The following ZGRF1 variants were observed in gnomAD, a reference collection of about 807,000 sequenced individuals.
ZGRF1 encodes the protein 5'-3' DNA helicase ZGRF1.
In ZGRF1, 196 loss-of-function variants were observed where a neutral mutation model predicts 203.5. That is an observed-to-expected ratio of 0.96 (90% CI 0.86 to 1.08). The LOEUF (loss-of-function observed/expected upper bound fraction) is 1.08, where lower values mean the gene tolerates loss of function less well. ZGRF1 is among the 50% of genes least tolerant of loss of function. ZGRF1 has a pLI of 0.00. For synonymous variants in ZGRF1, 809 were observed against 841.3 expected, an observed-to-expected ratio of 0.96 and a Z score of 0.66; for missense variants, 2,326 against 2,416.3, an observed-to-expected ratio of 0.96 and a Z score of 0.78.
chr4:112,544,912 T>C (rs556769382), intron 24 of ZGRF1, among the ~76,000 whole-genome samples: 2 of 152,282 alleles, frequency 1.3e-5, no homozygotes, highest in South Asian at 4.1e-4. Flanking sequence ...TTTCCACACA[T>C]GGTATTGGGA....
chr4:112,635,371 C>T (rs964589547), intron 1 of ZGRF1, among the ~76,000 whole-genome samples: 1 of 151,856 alleles, frequency 6.6e-6, no homozygotes, highest in African/African-American at 2.4e-5. Context: ...CTACCATATG[C>T]TAGAAACTGT....
At chr4:112,547,475 T>C (rs765751373) in intron 23 of ZGRF1, 67 bp from the exon 24 acceptor site, 501 of 1,459,230 alleles carry the variant, frequency 3.4e-4, no homozygotes, top group Non-Finnish European at 4.3e-4. Flanking sequence ...TTTATTGCAC[T>C]GTTTGCCAAA....
intron 16 of ZGRF1, among the ~76,000 whole-genome samples, chr4:112,567,545 C>T (rs1743351925): frequency 6.6e-6 from 1 of 152,062 alleles, no homozygotes; most frequent in Admixed American, 6.6e-5. Context: ...GCTGAGATGA[C>T]AGAATTGCTT....
chr4:112,587,396 A>T lies in ZGRF1; in HGVS notation c.3661T>A (p.Ser1221Thr). 3 of 1,613,896 alleles carry T rather than the reference A, an allele frequency of 1.9e-6. No homozygotes were observed. The highest frequency in any genetic ancestry group is 2.5e-6 in the Non-Finnish European group (3 of 1,179,848). ...QQRQDFSSQD[S>T]VSRKKVLSLN... The stretch of plus-strand genomic sequence containing the variant: ...GAAAGTACTTTCTTTCTGGAAACCG[A>T]ATCTTGACTGCTAAAATCCTGCCGC... Residue 1221 changes from serine to threonine, a missense_variant, in exon 12 of 28, where the codon TCG becomes ACG. Coordinates refer to ENST00000505019, the MANE Select transcript of ZGRF1 (RefSeq NM_018392.5).
In ZGRF1 at chr4:112,554,702, T is replaced by G; in HGVS notation, c.5198+3A>C. 1.3e-6 allele frequency: 2 copies of G among 1,484,268 alleles called. No individual in the cohort carries two copies. The highest frequency in any genetic ancestry group is 1.8e-6 in the Non-Finnish European group (2 of 1,086,040). The allele number at this position is 1,484,268 out of a possible 1,614,324, so 91.9% of individuals were successfully genotyped here. On this transcript the variant is annotated splice_donor_region_variant and intron_variant, in intron 21 of 27. Coordinates refer to ENST00000505019, the MANE Select transcript of ZGRF1 (RefSeq NM_018392.5). ...TGTGACTTCTGGAATTTTGCATTCT[T>G]ACCTATAAGGTAAAATTGGTTTGGC...
chr4:112,563,378 T>C, intron 16 of ZGRF1, 104 bp from the exon 17 acceptor site: 2 of 721,636 alleles, frequency 2.8e-6, no homozygotes, highest in Non-Finnish European at 4.3e-6. Flanking sequence ...ATATCTATAG[T>C]ACACATATAC....
chr4:112,627,304 C>T (rs574581890), intron 3 of ZGRF1, among the ~76,000 whole-genome samples: 2 of 152,234 alleles, frequency 1.3e-5, no homozygotes, highest in African/African-American at 4.8e-5. Flanking sequence ...TCTTTTTCTC[C>T]ATTGCCATTG....
At chr4:112,585,856 A>G (rs918793245) in intron 13 of ZGRF1, 131 bp from the exon 14 acceptor site, 5 of 523,904 alleles carry the variant, frequency 9.5e-6, no homozygotes, top group African/African-American at 4.0e-5. Context: ...TCCGTTTTTA[A>G]AAGTTATTTT....
chr4:112,617,635 T>C lies in ZGRF1; in HGVS notation c.2407A>G (p.Thr803Ala). Residue 803 changes from threonine (T) to alanine (A), a missense_variant, in exon 6 of 28, where the codon ACT (threonine) becomes GCT (alanine). Physicochemically the swap from Thr to Ala is moderately conservative, Grantham distance 58 (BLOSUM62 0). Transcript: ENST00000505019. Reference protein sequence around the residue: ...SPPPDHVEVETAREGKQYWNP... With the variant: ...SPPPDHVEVEAAREGKQYWNP... ...CAGTATTGTTTGCCTTCTCTGGCAG[T>C]TTCAACCTCAACATGGTCAGGGGGT... 1 of 1,613,636 alleles carries C rather than the reference T, an allele frequency of 6.2e-7. No homozygotes were observed. Among genetic ancestry groups the C allele is most frequent in the Non-Finnish European group, 8.5e-7 (1 of 1,179,878 alleles).
chr4:112,589,968 A>G (rs1208189560), intron 10 of ZGRF1, 94 bp from the exon 11 acceptor site: 1 of 930,868 alleles, frequency 1.1e-6, no homozygotes, highest in Non-Finnish European at 1.5e-6. Flanking sequence ...TATAAAAATA[A>G]TGATTTAAAG....
intron 16 of ZGRF1, chr4:112,564,884 G>C (rs938961042): frequency 1.3e-5 from 8 of 632,210 alleles, no homozygotes; most frequent in Non-Finnish European, 1.7e-5. Flanking sequence ...AATTGTGTTC[G>C]CAGCCGCCAC....
At chr4:112,569,768 C>A (rs1192635739) in intron 16 of ZGRF1, among the ~76,000 whole-genome samples, 1 of 151,996 alleles carries the variant, frequency 6.6e-6, no homozygotes, top group East Asian at 1.9e-4. Flanking sequence ...ATTCTATTTA[C>A]AAGTCACGTC....
intron 10 of ZGRF1, among the ~76,000 whole-genome samples, chr4:112,592,912 C>T (rs1748419025): frequency 6.6e-6 from 1 of 152,086 alleles, no homozygotes; most frequent in Non-Finnish European, 1.5e-5. Flanking sequence ...GGGCCCTTAC[C>T]CAACTGAATT....
intron 7 of ZGRF1, 41 bp from the exon 8 acceptor site, chr4:112,609,470 A>G: frequency 8.9e-7 from 1 of 1,124,700 alleles, no homozygotes; most frequent in Non-Finnish European, 1.3e-6. Context: ...CTAATAGGCA[A>G]TAATAATTTA....
At chr4:112,614,466 T>G (rs1217666335) in intron 6 of ZGRF1, among the ~76,000 whole-genome samples, 1 of 152,224 alleles carries the variant, frequency 6.6e-6, no homozygotes, top group African/African-American at 2.4e-5. Flanking sequence ...AACAATTATC[T>G]TTTTCATGGT....
At chr4:112,630,489 G>C (rs1015457474) in intron 3 of ZGRF1, among the ~76,000 whole-genome samples, 3 of 151,110 alleles carry the variant, frequency 2.0e-5, no homozygotes, top group Non-Finnish European at 3.0e-5. Flanking sequence ...CTGCACTCCA[G>C]CCTGGGCGAC....
Position 112,548,364 on chromosome 4 carries a change from A to C in ZGRF1, c.5363T>G (p.Val1788Gly). The C allele has an allele frequency of 1.9e-6, 3 of 1,553,342 alleles. No homozygotes were observed. In the South Asian group the frequency reaches 3.6e-5, roughly 19 times the overall value. Residue 1788 changes from valine to glycine, a missense_variant, in exon 23 of 28, where the codon GTT (valine) becomes GGT (glycine). Physicochemically the swap from Val to Gly is moderately radical, Grantham distance 109. Coordinates refer to ENST00000505019, the MANE Select transcript of ZGRF1 (RefSeq NM_018392.5). ...TLLKQVRVVG[V>G]TCAACPFPCM... ...TGGGAATGGGCAGGCTGCACAGGTA[A>C]CTCCAACTACTCGAACCTTTATTAC...
In ZGRF1 at chr4:112,587,918, A is replaced by AT. The variant is rs771306774; in HGVS notation, c.3138dup (p.Ser1047IlefsTer7). The AT allele has an allele frequency of 1.3e-6, 2 of 1,525,114 alleles. No individual in the cohort carries two copies. Among genetic ancestry groups the AT allele is most frequent in the African/African-American group, 1.4e-5 (1 of 71,572 alleles). 94.5% of individuals were successfully genotyped at this position (1,525,114 alleles called of 1,614,324 possible). ...AGGTTCTCATTCTCCAGAGAACGGG[A>AT]TTTTTTCATCCCTGAAAGAAAACAG... is the stretch of plus-strand genomic sequence containing the variant. On this transcript the variant is annotated frameshift_variant, in exon 12 of 28. Transcript: ENST00000505019. LOFTEE classifies it high-confidence loss of function.
intron 16 of ZGRF1, among the ~76,000 whole-genome samples, chr4:112,572,431 C>T (rs117864230): frequency 0.014 from 2,112 of 152,234 alleles, 16 homozygotes; most frequent in Middle Eastern, 0.044. Context: ...AAATCTAAGA[C>T]CTGAAACCAT....
Sources: gnomAD v4.1 joint callset for allele counts (sites outside exome capture counted in the v4.1 genomes callset) on GRCh38, gnomAD v4.1.1 for gene constraint, MANE v1.5 for transcripts, NCBI Gene and HGNC (gene_info 2026-07-23, HGNC 2026-07-21) for gene names.